Variants in PPARGC1A observed in about 807,000 individuals in gnomAD.
PPARGC1A encodes the protein PPARG coactivator 1 alpha.
A neutral mutation model predicts 88.7 loss-of-function variants in PPARGC1A; 25 were observed. The observed-to-expected ratio is 0.28, with a 90% CI of 0.21 to 0.39. The LOEUF is 0.39. PPARGC1A is among the 10% of genes least tolerant of loss of function. The probability of loss-of-function intolerance (pLI) is 1.00; values close to 1 mark genes in which losing one functional copy is unlikely to be tolerated. For synonymous variants in PPARGC1A, 363 were observed against 355.6 expected, an observed-to-expected ratio of 1.02 and a Z score of -0.24; for missense variants, 880 against 968.7, an observed-to-expected ratio of 0.91 and a Z score of 1.22.
At chr4:24,173,365 A>C in the PPARGC1A span, among the ~76,000 whole-genome samples, 1 of 151,550 alleles carries the variant, frequency 6.6e-6, no homozygotes, top group African/African-American at 2.4e-5. Context: ...AAAGAAAAAA[A>C]ATTCAGAAAC....
At chr4:24,026,935 C>CT in the PPARGC1A span, among the ~76,000 whole-genome samples, 15 of 152,090 alleles carry the variant, frequency 9.9e-5, no homozygotes, top group Non-Finnish European at 2.1e-4. Flanking sequence ...CCCTCTTTCC[C>CT]TCAAATTTTA....
At position 23,801,899 on chromosome 4, in the gene PPARGC1A, A is replaced by C. The variant is rs1718825654; in HGVS notation, c.2142-18T>G. On this transcript the variant is annotated intron_variant, in intron 11 of 12. Coordinates refer to ENST00000264867, the MANE Select transcript of PPARGC1A (RefSeq NM_013261.5). ...AGCTGTCTCTGCAACGGACAAAGAA[A>C]AGTTCAAAGCTGGTTAAGAAGTATT... The C allele has an allele frequency of 3.1e-6, 5 of 1,613,286 alleles. No individual in the cohort carries two copies. The highest frequency in any genetic ancestry group is 4.2e-6 in the Non-Finnish European group (5 of 1,179,394).
At chr4:23,844,814 A>G (rs960464229) in intron 2 of PPARGC1A, among the ~76,000 whole-genome samples, 1 of 126,988 alleles carries the variant, frequency 7.9e-6, no homozygotes, top group Non-Finnish European at 1.6e-5. Context: ...TTATTATAAT[A>G]TATGATATAT....
the PPARGC1A span, among the ~76,000 whole-genome samples, chr4:24,100,833 C>T: frequency 1.3e-4 from 20 of 152,198 alleles, no homozygotes; most frequent in South Asian, 4.1e-4. Context: ...AGCATTATGA[C>T]GGGAACTGCA....
chr4:23,976,923 T>C, the PPARGC1A span, among the ~76,000 whole-genome samples: 1 of 151,648 alleles, frequency 6.6e-6, no homozygotes, highest in African/African-American at 2.4e-5. Flanking sequence ...GAACTTGCGG[T>C]TTCTCTGATT....
At chr4:23,866,276 A>G (rs1206075203) in intron 2 of PPARGC1A, 2 of 152,130 alleles carry the variant, frequency 1.3e-5, no homozygotes, top group Non-Finnish European at 2.9e-5. Context: ...CCCTAGAAAC[A>G]TTTCTTTCTT....
the PPARGC1A span, among the ~76,000 whole-genome samples, chr4:24,146,136 T>C: frequency 6.6e-6 from 1 of 152,154 alleles, no homozygotes; most frequent in Non-Finnish European, 1.5e-5. Context: ...ATGAGACACA[T>C]TGTGTCAGGT....
chr4:24,158,318 A>G, the PPARGC1A span, among the ~76,000 whole-genome samples: 1 of 152,220 alleles, frequency 6.6e-6, no homozygotes, highest in Admixed American at 6.5e-5. Flanking sequence ...TTCATTGCCA[A>G]CCAAAATATT....
chr4:23,885,718 A>T (rs1716763888), intron 1 of PPARGC1A, among the ~76,000 whole-genome samples: 1 of 152,168 alleles, frequency 6.6e-6, no homozygotes, highest in Non-Finnish European at 1.5e-5. Context: ...TACCTGGAAA[A>T]GAAAACTCAC....
chr4:23,883,817 T>A (rs1241109970), intron 2 of PPARGC1A: 1 of 152,202 alleles, frequency 6.6e-6, no homozygotes, highest in East Asian at 1.9e-4. Flanking sequence ...TAAACTTGGC[T>A]TTCTTAAGAC....
chr4:24,081,367 T>C, the PPARGC1A span, among the ~76,000 whole-genome samples: 2 of 152,128 alleles, frequency 1.3e-5, no homozygotes, highest in Non-Finnish European at 2.9e-5. Flanking sequence ...AGGGAGACGG[T>C]GTGCTTCCTT....
the PPARGC1A span, among the ~76,000 whole-genome samples, chr4:23,989,477 T>C: frequency 0.15 from 23,068 of 151,826 alleles, 2,516 homozygotes; most frequent in Admixed American, 0.33. Flanking sequence ...TGCAGGAAAA[T>C]TGGGGAGAGA....
At chr4:24,214,435 AAGAATG>A in the PPARGC1A span, among the ~76,000 whole-genome samples, 3 of 152,220 alleles carry the variant, frequency 2.0e-5, no homozygotes, top group African/African-American at 7.2e-5. Flanking sequence ...GTTGAGCAGA[AAGAATG>A]ACAGCATAGT....
At chr4:24,462,270 T>C in the PPARGC1A span, among the ~76,000 whole-genome samples, 1 of 147,394 alleles carries the variant, frequency 6.8e-6, no homozygotes, top group Non-Finnish European at 1.5e-5. Flanking sequence ...TTTTTTTTTG[T>C]ATTTTTAGTA....
At chr4:24,260,222 G>A in the PPARGC1A span, among the ~76,000 whole-genome samples, 2,343 of 152,338 alleles carry the variant, frequency 0.015, 62 homozygotes, top group African/African-American at 0.053. Flanking sequence ...AGGCAAGAAT[G>A]TGCATGTCTG....
At chr4:24,070,071 A>T in the PPARGC1A span, among the ~76,000 whole-genome samples, 2 of 152,128 alleles carry the variant, frequency 1.3e-5, no homozygotes, top group Non-Finnish European at 2.9e-5. Flanking sequence ...TCTACCTCAA[A>T]AGCATGCCAT....
At chr4:23,982,801 C>A in the PPARGC1A span, among the ~76,000 whole-genome samples, 4 of 152,116 alleles carry the variant, frequency 2.6e-5, no homozygotes, top group African/African-American at 9.7e-5. Flanking sequence ...AGTAAGATAA[C>A]GTCTGTAAAG....
chr4:23,984,444 G>A, the PPARGC1A span, among the ~76,000 whole-genome samples: 54 of 152,178 alleles, frequency 3.5e-4, 2 homozygotes, highest in African/African-American at 1.3e-3. Flanking sequence ...TAAAGATTGT[G>A]TCCGATTTAC....
At chr4:23,827,058 G>A (rs1724089001) in intron 5 of PPARGC1A, among the ~76,000 whole-genome samples, 2 of 152,066 alleles carry the variant, frequency 1.3e-5, no homozygotes, top group African/African-American at 4.8e-5. Flanking sequence ...CAAGGCCTAT[G>A]GCAGAGTGGT....
Sources: allele counts gnomAD v4.1 joint callset (sites outside exome capture counted in the v4.1 genomes callset), GRCh38; gene constraint gnomAD v4.1.1; transcripts MANE v1.5; gene names NCBI Gene and HGNC (gene_info 2026-07-23, HGNC 2026-07-21).